Variants in ZNF43 observed in about 807,000 individuals in gnomAD.
ZNF43 encodes zinc finger protein 39-like 1 (KOX 27).
Under a neutral mutation model 68.4 loss-of-function variants are expected in ZNF43, and 44 were observed. That is an observed-to-expected ratio of 0.64 (90% CI 0.51 to 0.83). ZNF43 has a LOEUF of 0.83. ZNF43 is among the 40% of genes least tolerant of loss of function. The pLI is 0.00. For missense variants in ZNF43, 896 were observed against 933.2 expected (o/e 0.96, Z 0.52); for synonymous variants, 308 against 307.8 (o/e 1.00, Z -0.01).
intron 1 of ZNF43, among the ~76,000 whole-genome samples, chr19:21,848,066 C>T (rs1968088823): frequency 6.6e-6 from 1 of 152,120 alleles, no homozygotes; most frequent in African/African-American, 2.4e-5. Flanking sequence ...GTGATGCACC[C>T]GCCTCAGCCT....
At chr19:21,830,290 AC>A (rs1469131964) in intron 1 of ZNF43, among the ~76,000 whole-genome samples, 16 of 144,460 alleles carry the variant, frequency 1.1e-4, no homozygotes, top group Non-Finnish European at 2.1e-4. Context: ...AAAAAAAAAA[AC>A]AAAACAAAAA....
Position 21,806,021 on chromosome 19 carries a change from T to C in ZNF43, c.*1586A>G, listed in dbSNP as rs920991474. The C allele has an allele frequency of 1.3e-5, 2 of 152,122 alleles. No individual in the cohort carries two copies. Among genetic ancestry groups the C allele is most frequent in the Non-Finnish European group, 2.9e-5 (2 of 68,028 alleles). The allele number at this position is 152,122 out of a possible 1,614,324, so 9.4% of individuals were successfully genotyped here. A position where few individuals can be genotyped will look rare whatever the true frequency, so the allele number is the denominator to read the frequency against. On this transcript the variant is annotated 3_prime_UTR_variant, in exon 4 of 4. Transcript: ENST00000354959. ...TTACATAAAATTACAATAAGTAAAA[T>C]GACTTACTAATTTAACCAATTTTAA...
chr19:21,842,027 A>T (rs965924659), intron 1 of ZNF43, among the ~76,000 whole-genome samples: 12 of 152,164 alleles, frequency 7.9e-5, no homozygotes, highest in African/African-American at 2.9e-4. Context: ...CTTTCTGTTT[A>T]TCACCTAAGT....
intron 1 of ZNF43, among the ~76,000 whole-genome samples, chr19:21,847,154 A>G (rs796860600): frequency 2.6e-5 from 4 of 152,282 alleles, no homozygotes; most frequent in African/African-American, 9.6e-5. Flanking sequence ...TGCTGGCCAC[A>G]GCAATGTGCC....
chr19:21,823,103 A>G (rs967896833), intron 1 of ZNF43, among the ~76,000 whole-genome samples: 2 of 152,246 alleles, frequency 1.3e-5, no homozygotes, highest in Admixed American at 1.3e-4. Context: ...ATCAGAAGTC[A>G]GAACAATACA....
In ZNF43 at chr19:21,851,904, C is replaced by T; in HGVS notation, c.30+1G>A. The T allele has an allele frequency of 3.2e-6, 5 of 1,580,130 alleles. No individual in the cohort carries two copies. The highest frequency in any genetic ancestry group is 4.3e-6 in the Non-Finnish European group (5 of 1,163,134). ...CGGGATGCCTAACCCCGCACACTCACCATTTCCCAGCTTCCAGGATGTCCG... is the reference window on the plus strand; with the variant it reads ...CGGGATGCCTAACCCCGCACACTCATCATTTCCCAGCTTCCAGGATGTCCG... On this transcript the variant is annotated splice_donor_variant, in intron 1 of 3. Coordinates refer to the ZNF43 transcript ENST00000357491. LOFTEE classifies it high-confidence loss of function.
upstream of ZNF43, chr19:21,840,048 T>C (rs985589950): frequency 6.6e-6 from 1 of 152,170 alleles, no homozygotes; most frequent in Non-Finnish European, 1.5e-5. Context: ...TGGATGCAGA[T>C]AGATTATAAT....
intron 1 of ZNF43, among the ~76,000 whole-genome samples, chr19:21,833,413 G>A (rs1329412226): frequency 1.3e-5 from 2 of 151,832 alleles, no homozygotes; most frequent in Non-Finnish European, 2.9e-5. Context: ...GATTACAGGC[G>A]CCTGCCCCTG....
At chr19:21,823,771 G>A (rs1422842173) in intron 1 of ZNF43, among the ~76,000 whole-genome samples, 1 of 152,058 alleles carries the variant, frequency 6.6e-6, no homozygotes. Context: ...GTTACACCAT[G>A]TTGGTCAGGC....
chr19:21,828,716 T>C (rs928557786), intron 1 of ZNF43, among the ~76,000 whole-genome samples: 5 of 140,298 alleles, frequency 3.6e-5, no homozygotes, highest in African/African-American at 1.3e-4. Context: ...AAACTCCGTC[T>C]CAAAAAAAGT....
chr19:21,825,823 C>G (rs1386647588), intron 1 of ZNF43, among the ~76,000 whole-genome samples: 1 of 152,134 alleles, frequency 6.6e-6, no homozygotes, highest in Admixed American at 6.5e-5. Context: ...GAGGCCAAGG[C>G]AGGTGGATCA....
chr19:21,822,182 C>CCG (rs1386743451), intron 1 of ZNF43, among the ~76,000 whole-genome samples: 7 of 89,794 alleles, frequency 7.8e-5, no homozygotes, highest in South Asian at 3.5e-4. Context: ...AGGTGCCCTC[C>CCG]TCTGCCATGG....
At position 21,808,787 on chromosome 19, in the gene ZNF43, T is replaced by C; in HGVS notation, c.1250A>G (p.Lys417Arg). ...FKWSSKLTEH[K>R]LTHTGEKPYK... is the part of the protein sequence containing the mutation. ...GGGTTTCTCTCCAGTATGAGTTAAC[T>C]TATGTTCAGTAAGCTTTGAGGACCA... Residue 417 changes from lysine (K) to arginine (R), a missense_variant, in exon 4 of 4, where the codon AAG (lysine) becomes AGG (arginine). By Grantham distance (26) the Lys-to-Arg change is conservative. Transcript: ENST00000354959. 6.2e-7 allele frequency: 1 copy of C among 1,612,418 alleles called. No homozygotes were observed. The highest frequency in any genetic ancestry group is 2.2e-5 in the East Asian group (1 of 44,782).
chr19:21,851,400 G>A (rs912365992), intron 1 of ZNF43: 1 of 151,812 alleles, frequency 6.6e-6, no homozygotes, highest in African/African-American at 2.4e-5. Context: ...AAATTAGCCG[G>A]GCCTGGTGGT....
intron 1 of ZNF43, among the ~76,000 whole-genome samples, chr19:21,820,188 G>C (rs1444378437): frequency 1.8e-5 from 1 of 55,420 alleles, no homozygotes; most frequent in Non-Finnish European, 3.3e-5. Context: ...CAAAGAGCAA[G>C]ACTCCATCTC....
upstream of ZNF43, chr19:21,836,242 C>T (rs2038729202): frequency 7.2e-7 from 1 of 1,394,412 alleles, no homozygotes; most frequent in African/African-American, 1.5e-5. Flanking sequence ...CCTGATTGGA[C>T]GGTTTCCAGC....
At chr19:21,813,427 C>T (rs952840555) in intron 3 of ZNF43, among the ~76,000 whole-genome samples, 2 of 152,014 alleles carry the variant, frequency 1.3e-5, no homozygotes, top group South Asian at 4.1e-4. Context: ...TTAGATGTCC[C>T]TTGATTTATA....
intron 1 of ZNF43, among the ~76,000 whole-genome samples, chr19:21,843,675 G>A (rs927834084): frequency 3.9e-5 from 6 of 152,174 alleles, no homozygotes; most frequent in African/African-American, 1.4e-4. Flanking sequence ...TGTAATCCCA[G>A]CTACTAGGGA....
At chr19:21,840,038 T>C (rs1385588812), upstream of ZNF43, 1 of 152,234 alleles carries the variant, frequency 6.6e-6, no homozygotes, top group East Asian at 1.9e-4. Context: ...ACTTGGGTGA[T>C]GGATGCAGAT....
Sources: allele counts gnomAD v4.1 joint callset (sites outside exome capture counted in the v4.1 genomes callset), GRCh38; gene constraint gnomAD v4.1.1; transcripts MANE v1.5; gene names NCBI Gene and HGNC (gene_info 2026-07-23, HGNC 2026-07-21).